STUM: variants seen among roughly 807,000 people sequenced by gnomAD.
STUM encodes the protein protein stum homolog.
In STUM, 8 loss-of-function variants were observed where a neutral mutation model predicts 15.3. The observed-to-expected ratio is 0.52, with a 90% CI of 0.31 to 0.94. The LOEUF (loss-of-function observed/expected upper bound fraction) is 0.94. Among genes scored for constraint, STUM ranks in the 40% least tolerant of loss-of-function variants. The pLI, the probability that STUM is intolerant of heterozygous loss-of-function variation, is 0.05. For missense variants in STUM, 142 were observed against 204.9 expected (o/e 0.69, Z 1.87); for synonymous variants, 78 against 88.7 (o/e 0.88, Z 0.68).
At chr1:226,588,736 T>G (rs1406642955) in intron 1 of STUM, among the ~76,000 whole-genome samples, 2 of 152,224 alleles carry the variant, frequency 1.3e-5, no homozygotes, top group African/African-American at 4.8e-5. Flanking sequence ...CGGGAAGGTG[T>G]ATTTTTAGCA....
chr1:226,599,163 G>C lies in STUM; in HGVS notation c.383-1503G>C, dbSNP rs1668227158. ...TCCTCCCACAACACATAGGAATTGT[G>C]GGAGTTACAATTCAAGATGAGATTT... On this transcript the variant is annotated intron_variant, in intron 2 of 3. Coordinates refer to ENST00000366788, the MANE Select transcript of STUM (RefSeq NM_001003665.4). 2.6e-5 allele frequency among the ~76,000 whole-genome samples: 4 copies of C among 152,264 alleles called. No individual in the cohort carries two copies. The South Asian group carries it at 8.3e-4, about 32-fold the overall frequency.
chr1:226,561,716 G>C (rs564940871), intron 1 of STUM, among the ~76,000 whole-genome samples: 1 of 152,134 alleles, frequency 6.6e-6, no homozygotes, highest in Non-Finnish European at 1.5e-5. Context: ...GATTGGTTTG[G>C]TCAATAACCA....
At chr1:226,581,726 G>C (rs750461363) in intron 1 of STUM, among the ~76,000 whole-genome samples, 4 of 152,180 alleles carry the variant, frequency 2.6e-5, no homozygotes, top group Non-Finnish European at 5.9e-5. Flanking sequence ...AATGAGCTGA[G>C]AAGAGTCAGT....
chr1:226,582,323 T>C (rs1667931396), intron 1 of STUM, among the ~76,000 whole-genome samples: 1 of 152,196 alleles, frequency 6.6e-6, no homozygotes, highest in Non-Finnish European at 1.5e-5. Context: ...CTGGGCGCAG[T>C]GGCTCATGCC....
rs546819148 is a variant in STUM, at chr1:226,601,283, C to T, written c.391+609C>T. On this transcript the variant is annotated intron_variant, in intron 3 of 3. Coordinates refer to ENST00000366788, the MANE Select transcript of STUM (RefSeq NM_001003665.4). ...CTGGGACTACAGGCACATGCCTCCA[C>T]GCCCAGTTAATTTTTTGTATTCTTA... 1.4e-4 allele frequency among the ~76,000 whole-genome samples: 21 copies of T among 152,256 alleles called. 1 individual carries two copies. Among genetic ancestry groups the T allele is most frequent in the South Asian group, 1.2e-3 (6 of 4,824 alleles).
intron 1 of STUM, among the ~76,000 whole-genome samples, chr1:226,592,061 G>C (rs1403615293): frequency 6.6e-6 from 1 of 151,998 alleles, no homozygotes; most frequent in South Asian, 2.1e-4. Flanking sequence ...TGTTGTTGTT[G>C]TTTTATGATG....
intron 1 of STUM, among the ~76,000 whole-genome samples, chr1:226,569,390 C>T (rs1050817172): frequency 1.3e-5 from 2 of 152,180 alleles, no homozygotes; most frequent in Non-Finnish European, 2.9e-5. Flanking sequence ...GGCCACTAGG[C>T]TGTGAGCCTG....
At chr1:226,550,967 A>G (rs1558275800) in intron 1 of STUM, among the ~76,000 whole-genome samples, 1 of 152,242 alleles carries the variant, frequency 6.6e-6, no homozygotes, top group African/African-American at 2.4e-5. Context: ...ACAAACCATT[A>G]TAAGAAACCA....
intron 1 of STUM, among the ~76,000 whole-genome samples, chr1:226,550,845 C>T (rs603609): frequency 0.061 from 9,287 of 152,246 alleles, 695 homozygotes; most frequent in African/African-American, 0.18. Context: ...CTGCAGGGCA[C>T]CGTCCATTCC....
At chr1:226,584,597 C>CA (rs1208767444) in intron 1 of STUM, among the ~76,000 whole-genome samples, 1 of 152,176 alleles carries the variant, frequency 6.6e-6, no homozygotes, top group Non-Finnish European at 1.5e-5. Context: ...CAGGTGAGCC[C>CA]AAGCCTGCCA....
chr1:226,553,510 G>T (rs537142947), intron 1 of STUM, among the ~76,000 whole-genome samples: 1 of 152,304 alleles, frequency 6.6e-6, no homozygotes, highest in South Asian at 2.1e-4. Context: ...GGAGTGGGAA[G>T]AAATTTGGAG....
intron 1 of STUM, among the ~76,000 whole-genome samples, chr1:226,553,026 G>A (rs1304602690): frequency 1.3e-5 from 2 of 152,180 alleles, no homozygotes; most frequent in Non-Finnish European, 2.9e-5. Context: ...GTAGGCCTGA[G>A]GATGCAAGGA....
At chr1:226,564,061 C>G (rs752834447) in intron 1 of STUM, among the ~76,000 whole-genome samples, 6 of 152,198 alleles carry the variant, frequency 3.9e-5, no homozygotes, top group Non-Finnish European at 8.8e-5. Flanking sequence ...GAGCACAAGG[C>G]CCTCAGTGCT....
At chr1:226,589,304 C>T (rs1428690364) in intron 1 of STUM, among the ~76,000 whole-genome samples, 6 of 152,226 alleles carry the variant, frequency 3.9e-5, no homozygotes, top group African/African-American at 1.4e-4. Flanking sequence ...CTGTACCAGC[C>T]ACTCCTGGCT....
intron 1 of STUM, among the ~76,000 whole-genome samples, chr1:226,571,215 C>T (rs954323172): frequency 4.6e-5 from 7 of 151,640 alleles, no homozygotes; most frequent in East Asian, 1.9e-4. Context: ...TGGGAGACAG[C>T]GTGAATGGGA....
chr1:226,585,261 A>AGTCATAATTAATAACTCCT (rs1667978883), intron 1 of STUM, among the ~76,000 whole-genome samples: 1 of 152,154 alleles, frequency 6.6e-6, no homozygotes, highest in African/African-American at 2.4e-5. Flanking sequence ...TTATTTTCCT[A>AGTCATAATTAATAACTCCT]GTCATAATTA....
At chr1:226,598,852 G>C (rs180900223) in intron 2 of STUM, among the ~76,000 whole-genome samples, 197 of 152,284 alleles carry the variant, frequency 1.3e-3, no homozygotes, top group Non-Finnish European at 2.4e-3. Context: ...AATGCTTTTG[G>C]GGGGTGTATT....
At chr1:226,572,176 C>T (rs1204979440) in intron 1 of STUM, among the ~76,000 whole-genome samples, 1 of 152,318 alleles carries the variant, frequency 6.6e-6, no homozygotes, top group East Asian at 1.9e-4. Flanking sequence ...AAGAAACAGG[C>T]ACCATCACCT....
At chr1:226,576,531 TA>T (rs1397734632) in intron 1 of STUM, among the ~76,000 whole-genome samples, 18 of 152,204 alleles carry the variant, frequency 1.2e-4, no homozygotes, top group Non-Finnish European at 2.2e-4. Context: ...ACTAGTGAGT[TA>T]GTGGACACCC....
Sources: allele counts gnomAD v4.1 joint callset (sites outside exome capture counted in the v4.1 genomes callset), GRCh38; gene constraint gnomAD v4.1.1; transcripts MANE v1.5; gene names NCBI Gene and HGNC (gene_info 2026-07-23, HGNC 2026-07-21).